KAZN: variants seen among roughly 807,000 people sequenced by gnomAD.
KAZN encodes kazrin, periplakin interacting protein.
In KAZN, 40 loss-of-function variants were observed where a neutral mutation model predicts 87.4. The ratio of observed to expected loss-of-function variants is 0.46; its 90% CI spans 0.36 to 0.60. KAZN has a LOEUF of 0.60. KAZN is among the 20% of genes least tolerant of loss of function. The probability of loss-of-function intolerance (pLI) is 0.00; values close to 1 mark genes in which losing one functional copy is unlikely to be tolerated. For missense variants in KAZN, 898 were observed against 1,073.9 expected (o/e 0.84, Z 2.29); for synonymous variants, 466 against 458.3 (o/e 1.02, Z -0.22).
chr1:14,767,960 G>A (rs1310800822), intron 1 of KAZN, among the ~76,000 whole-genome samples: 1 of 152,186 alleles, frequency 6.6e-6, no homozygotes, highest in African/African-American at 2.4e-5. Context: ...TCCTTTCCAA[G>A]CCTTTTATTC....
intron 1 of KAZN, among the ~76,000 whole-genome samples, chr1:14,664,179 T>C (rs1639364790): frequency 6.6e-6 from 1 of 152,216 alleles, no homozygotes; most frequent in Non-Finnish European, 1.5e-5. Context: ...ACGCCTGTCA[T>C]CCAAGCACCT....
chr1:13,895,997 T>TA (rs1334267430), intron 1 of KAZN, among the ~76,000 whole-genome samples: 2 of 151,868 alleles, frequency 1.3e-5, no homozygotes, highest in Non-Finnish European at 2.9e-5. Context: ...CATAATTTTT[T>TA]TTTTTATTTT....
At chr1:14,190,306 C>T (rs1646397238) in intron 2 of KAZN, among the ~76,000 whole-genome samples, 1 of 152,152 alleles carries the variant, frequency 6.6e-6, no homozygotes, top group Non-Finnish European at 1.5e-5. Flanking sequence ...AGACGCCAAA[C>T]ACTCTGCTAA....
intron 1 of KAZN, among the ~76,000 whole-genome samples, chr1:14,600,415 T>A (rs1239812184): frequency 6.6e-6 from 1 of 152,090 alleles, no homozygotes; most frequent in Non-Finnish European, 1.5e-5. Flanking sequence ...TGTGCTTTCT[T>A]TGAGGTGAGA....
chr1:14,892,731 G>C (rs1424896438), intron 1 of KAZN, among the ~76,000 whole-genome samples: 3 of 152,208 alleles, frequency 2.0e-5, no homozygotes, highest in African/African-American at 7.2e-5. Context: ...GACTTGGGCA[G>C]GTGAGCCCAG....
intron 7 of KAZN, among the ~76,000 whole-genome samples, chr1:15,063,955 C>G (rs2100552742): frequency 6.6e-6 from 1 of 152,358 alleles, no homozygotes; most frequent in South Asian, 2.1e-4. Flanking sequence ...GTCTCAGCAC[C>G]TGGGCCCGCC....
rs568772342 is a variant in KAZN at position 14,831,077 on chromosome 1, C to G, written c.227-129607C>G. The stretch of plus-strand genomic sequence containing the variant: ...GTTTCACCATGTTGGCCAGGCTGGT[C>G]TCGAACTCCTGACCTCAGGTGAGCC... On this transcript the variant is annotated intron_variant, in intron 1 of 14. Coordinates refer to ENST00000376030, the MANE Select transcript of KAZN (RefSeq NM_201628.3). 7.2e-5 allele frequency among the ~76,000 whole-genome samples: 11 copies of G among 152,338 alleles called. No homozygotes were observed. The East Asian group carries it at 1.9e-3, about 27-fold the overall frequency.
chr1:14,281,457 GGGT>G (rs2100716259), intron 2 of KAZN, among the ~76,000 whole-genome samples: 1 of 152,268 alleles, frequency 6.6e-6, no homozygotes, highest in African/African-American at 2.4e-5. Context: ...GTAAGGTCAA[GGGT>G]GCTAGAGACA....
At chr1:14,616,430 G>T (rs1678246154) in intron 1 of KAZN, among the ~76,000 whole-genome samples, 1 of 151,934 alleles carries the variant, frequency 6.6e-6, no homozygotes, top group Non-Finnish European at 1.5e-5. Flanking sequence ...GGAGTTTATG[G>T]CTTGGTCTGA....
rs146813186 is a variant in KAZN at position 14,720,860 on chromosome 1, C to T, written c.226+121637C>T. On this transcript the variant is annotated intron_variant, in intron 1 of 14. Coordinates refer to ENST00000376030, the MANE Select transcript of KAZN (RefSeq NM_201628.3). ...GCCTCCCGAGTACCTGGGACTACTA[C>T]CGCGCCTGACCTTCCTTGCCACTTT... is the stretch of plus-strand genomic sequence containing the variant. 4.9e-3 allele frequency among the ~76,000 whole-genome samples: 750 copies of T among 152,182 alleles called. 4 individuals carry two copies. Among genetic ancestry groups the T allele is most frequent in the African/African-American group, 0.017 (708 of 41,530 alleles).
chr1:14,964,699 G>A lies in KAZN; in HGVS notation c.418+3824G>A, dbSNP rs147126592. On this transcript the variant is annotated intron_variant, in intron 2 of 14. Transcript: ENST00000376030. ...GTTGGGCGACGCTTGTTAACATCCAGTGTCCCTAATGTGGGAAAAAGCAGA... is the reference window on the plus strand; with the variant it reads ...GTTGGGCGACGCTTGTTAACATCCAATGTCCCTAATGTGGGAAAAAGCAGA... Among the ~76,000 whole-genome samples the A allele has an allele frequency of 5.1e-4, 78 of 152,326 alleles. 2 individuals carry two copies. In the East Asian group the frequency reaches 0.013, roughly 25 times the overall value.
chr1:15,047,461 A>G (rs938829394), intron 4 of KAZN, among the ~76,000 whole-genome samples: 2 of 152,160 alleles, frequency 1.3e-5, no homozygotes, highest in African/African-American at 4.8e-5. Flanking sequence ...GGCGCAGCTT[A>G]GCAATGGCAG....
chr1:14,742,316 G>A (rs1644126163), intron 1 of KAZN, among the ~76,000 whole-genome samples: 1 of 152,202 alleles, frequency 6.6e-6, no homozygotes, highest in Non-Finnish European at 1.5e-5. Context: ...CAAGGACTCT[G>A]CCTAGGTCTG....
intron 2 of KAZN, among the ~76,000 whole-genome samples, chr1:14,269,330 A>C (rs1258938118): frequency 6.6e-6 from 1 of 152,130 alleles, no homozygotes; most frequent in Admixed American, 6.5e-5. Flanking sequence ...TGATAAAAAA[A>C]AAGTTTGAGA....
chr1:14,388,869 G>C (rs1448563350), intron 2 of KAZN, among the ~76,000 whole-genome samples: 1 of 152,000 alleles, frequency 6.6e-6, no homozygotes, highest in African/African-American at 2.4e-5. Context: ...CAAATTAAAA[G>C]GCTTCTGCAT....
chr1:14,883,340 G>GAGAGAGAA (rs1553150556), intron 1 of KAZN, among the ~76,000 whole-genome samples: 3 of 24,496 alleles, frequency 1.2e-4, no homozygotes, highest in Non-Finnish European at 1.7e-4. Flanking sequence ...GAGAGAGAGA[G>GAGAGAGAA]AGAAAGAAAG....
At chr1:14,334,587 G>C (rs1657095519) in intron 2 of KAZN, among the ~76,000 whole-genome samples, 1 of 152,154 alleles carries the variant, frequency 6.6e-6, no homozygotes, top group African/African-American at 2.4e-5. Context: ...GCCATCGTAA[G>C]GACTTTGGCT....
At chr1:14,370,958 T>G (rs1162665701) in intron 2 of KAZN, among the ~76,000 whole-genome samples, 1 of 152,170 alleles carries the variant, frequency 6.6e-6, no homozygotes, top group African/African-American at 2.4e-5. Flanking sequence ...GTGCTGAGAT[T>G]AGGGGTGTGA....
intron 1 of KAZN, among the ~76,000 whole-genome samples, chr1:14,791,240 G>A (rs1645664889): frequency 6.6e-6 from 1 of 152,100 alleles, no homozygotes; most frequent in Non-Finnish European, 1.5e-5. Flanking sequence ...TTCATCACCC[G>A]GGAGGCAGAG....
Sources: allele counts gnomAD v4.1 joint callset (sites outside exome capture counted in the v4.1 genomes callset), GRCh38; gene constraint gnomAD v4.1.1; transcripts MANE v1.5; gene names NCBI Gene and HGNC (gene_info 2026-07-23, HGNC 2026-07-21).